The following AFG1L variants were observed in gnomAD, a reference collection of about 807,000 sequenced individuals.
The protein encoded by AFG1L is AFG1 like ATPase.
AFG1L carries 53 observed loss-of-function variants against 62.2 expected under a neutral mutation model. That is an observed-to-expected ratio of 0.85 (90% CI 0.68 to 1.07). The LOEUF (loss-of-function observed/expected upper bound fraction) is 1.07. Among genes scored for constraint, AFG1L ranks in the 50% least tolerant of loss-of-function variants. The pLI is 0.00. For synonymous variants in AFG1L, 228 were observed against 210.3 expected, an observed-to-expected ratio of 1.08 and a Z score of -0.73; for missense variants, 555 against 590.5, an observed-to-expected ratio of 0.94 and a Z score of 0.62.
At chr6:108,320,457 G>A (rs1777775557) in intron 1 of AFG1L, among the ~76,000 whole-genome samples, 1 of 152,156 alleles carries the variant, frequency 6.6e-6, no homozygotes. Flanking sequence ...AAAGAATAGT[G>A]GTCAGAATTC....
intron 1 of AFG1L, chr6:108,318,294 A>C (rs1777682249): frequency 3.5e-6 from 1 of 289,134 alleles, no homozygotes. Flanking sequence ...GACTGTGCTG[A>C]GCTTGAATGC....
chr6:108,387,431 C>T (rs1780814084), intron 6 of AFG1L: 1 of 152,264 alleles, frequency 6.6e-6, no homozygotes, highest in South Asian at 2.1e-4. Context: ...ATGGGCCCCA[C>T]CAGCGGATGT....
intron 7 of AFG1L, among the ~76,000 whole-genome samples, chr6:108,416,475 A>G (rs949172362): frequency 1.3e-5 from 2 of 152,326 alleles, no homozygotes; most frequent in Non-Finnish European, 2.9e-5. Context: ...ACATGCACAC[A>G]TATGTTTATT....
At position 108,519,806 on chromosome 6, in the gene AFG1L, GC is replaced by G; in HGVS notation, c.1315del (p.Gln439ArgfsTer87). The G allele has an allele frequency of 6.3e-7, 1 of 1,591,006 alleles. No homozygotes were observed. The highest frequency in any genetic ancestry group is 8.6e-7 in the Non-Finnish European group (1 of 1,165,436). ...SRILMDDLGL[S>X]QDSAEGLSMF... Reference sequence around the variant, plus strand: ...ATACTGATGGATGATTTGGGGCTGAGCCAGGTAGGCGATATTAACATAATCT... The same window carrying G: ...ATACTGATGGATGATTTGGGGCTGAGCAGGTAGGCGATATTAACATAATCT... On this transcript the variant is annotated frameshift_variant, in exon 12 of 13. Transcript: ENST00000368977. LOFTEE classifies it high-confidence loss of function.
At chr6:108,422,578 A>T (rs1770651489) in intron 7 of AFG1L, among the ~76,000 whole-genome samples, 1 of 149,456 alleles carries the variant, frequency 6.7e-6, no homozygotes, top group Non-Finnish European at 1.5e-5. Context: ...AATAATTTGT[A>T]TATTATCCTC....
At chr6:108,497,750 A>G (rs1774027703) in intron 10 of AFG1L, among the ~76,000 whole-genome samples, 1 of 152,214 alleles carries the variant, frequency 6.6e-6, no homozygotes, top group South Asian at 2.1e-4. Flanking sequence ...ATGCAAAACT[A>G]ATTCTTAACT....
At chr6:108,414,903 G>A (rs1206492469) in intron 7 of AFG1L, among the ~76,000 whole-genome samples, 2 of 152,176 alleles carry the variant, frequency 1.3e-5, no homozygotes, top group African/African-American at 4.8e-5. Context: ...TCAACATAGT[G>A]TTAGAAGTTC....
chr6:108,323,919 C>T lies in AFG1L; in HGVS notation c.234C>T (p.His78=). ...ALAVCHGPLD[H]YDFLIKAHEL... is the part of the protein sequence containing the mutation. ...CCGTTTGCCATGGACCTCTGGACCA[C>T]TATGATTTTCTGATCAAAGCTCATG... Residue 78 remains histidine, a synonymous_variant, in exon 2 of 13, where the codon CAC becomes CAT. Transcript: ENST00000368977. 6.2e-7 allele frequency: 1 copy of T among 1,614,104 alleles called. No individual in the cohort carries two copies. The highest frequency in any genetic ancestry group is 1.1e-5 in the South Asian group (1 of 91,080).
Position 108,411,074 on chromosome 6 carries a change from G to A in AFG1L, c.807+9020G>A, listed in dbSNP as rs367548090. ...CGGGACACTCCCACCCAAATACTGC[G>A]CTTTTCCAACGGCCTTAGCAAACGG... On this transcript the variant is annotated intron_variant, in intron 7 of 12. Transcript: ENST00000368977. Among the ~76,000 whole-genome samples the A allele has an allele frequency of 2.0e-4, 31 of 152,148 alleles. No individual in the cohort carries two copies. In the East Asian group the frequency reaches 3.3e-3, roughly 16 times the overall value.
intron 1 of AFG1L, among the ~76,000 whole-genome samples, chr6:108,313,547 A>C (rs1412423850): frequency 6.6e-6 from 1 of 151,692 alleles, no homozygotes; most frequent in African/African-American, 2.4e-5. Context: ...TCTTTTATTT[A>C]TTTTCTTTAA....
chr6:108,361,577 G>A (rs1362141227), intron 5 of AFG1L, among the ~76,000 whole-genome samples: 1 of 152,180 alleles, frequency 6.6e-6, no homozygotes, highest in East Asian at 1.9e-4. Flanking sequence ...GGAAGCAGCA[G>A]GAAAAGTGAG....
Position 108,503,807 on chromosome 6 carries a change from G to C in AFG1L, c.1063-6405G>C, listed in dbSNP as rs536499130. ...ATCTGCATTGAAAATCTGTTGTTTAGTGTAGCCACCTTCATAAATGATCTT... is the reference window on the plus strand; with the variant it reads ...ATCTGCATTGAAAATCTGTTGTTTACTGTAGCCACCTTCATAAATGATCTT... On this transcript the variant is annotated intron_variant, in intron 10 of 12. Transcript: ENST00000368977. Among the ~76,000 whole-genome samples, 131 of 152,338 alleles carry C rather than the reference G, an allele frequency of 8.6e-4. 3 individuals are homozygous for C. In the South Asian group the frequency reaches 0.026, roughly 31 times the overall value.
chr6:108,509,847 A>C (rs1774570263), intron 10 of AFG1L, among the ~76,000 whole-genome samples: 2 of 152,208 alleles, frequency 1.3e-5, no homozygotes, highest in African/African-American at 2.4e-5. Flanking sequence ...TAGGACTCTC[A>C]TGCTCTGAGG....
In AFG1L at chr6:108,369,648, C is replaced by T. The variant is rs141195052; in HGVS notation, c.748+3316C>T. Among the ~76,000 whole-genome samples, 19 of 151,790 alleles carry T rather than the reference C, an allele frequency of 1.3e-4. No homozygotes were observed. The East Asian group carries it at 3.3e-3, about 26-fold the overall frequency. The stretch of plus-strand genomic sequence containing the variant: ...TTTTGGAGACGGATCCTTGCTCTGT[C>T]GCCCAGACTGGGGTGCAGTGCGCGA... On this transcript the variant is annotated intron_variant, in intron 6 of 12. Transcript: ENST00000368977.
intron 8 of AFG1L, among the ~76,000 whole-genome samples, chr6:108,454,701 G>A (rs974443903): frequency 6.6e-6 from 1 of 152,166 alleles, no homozygotes; most frequent in African/African-American, 2.4e-5. Context: ...TGCCCAGACT[G>A]GAATGCAGTG....
At chr6:108,401,433 C>A (rs1429332272) in intron 6 of AFG1L, among the ~76,000 whole-genome samples, 1 of 151,904 alleles carries the variant, frequency 6.6e-6, no homozygotes, top group Non-Finnish European at 1.5e-5. Flanking sequence ...TGAGCCACCG[C>A]GCCCGGCCGC....
rs375988073 is a variant in AFG1L, at chr6:108,355,220, C to T, written c.416-434C>T. Among the ~76,000 whole-genome samples, 3 of 151,868 alleles carry T rather than the reference C, an allele frequency of 2.0e-5. No homozygotes were observed. In the South Asian group the frequency reaches 6.2e-4, roughly 32 times the overall value. On this transcript the variant is annotated intron_variant, in intron 3 of 12. Coordinates refer to ENST00000368977, the MANE Select transcript of AFG1L (RefSeq NM_145315.5). ...CCTCCCAAAGTGCTGGGATTTTAGG[C>T]ATGAGCCACTGTGCCCAGCCTCTTA...
intron 7 of AFG1L, among the ~76,000 whole-genome samples, chr6:108,418,075 A>G (rs1770407051): frequency 6.6e-6 from 1 of 152,108 alleles, no homozygotes; most frequent in Non-Finnish European, 1.5e-5. Context: ...TTCAAGATCC[A>G]CCTGCCTCGG....
intron 5 of AFG1L, among the ~76,000 whole-genome samples, chr6:108,357,118 GT>G (rs1305439006): frequency 6.6e-6 from 1 of 151,948 alleles, no homozygotes; most frequent in Non-Finnish European, 1.5e-5. Flanking sequence ...GTCCTGCTCT[GT>G]CACCGAGGCC....
Sources: gnomAD v4.1 joint callset for allele counts (sites outside exome capture counted in the v4.1 genomes callset) on GRCh38, gnomAD v4.1.1 for gene constraint, MANE v1.5 for transcripts, NCBI Gene and HGNC (gene_info 2026-07-23, HGNC 2026-07-21) for gene names.